The following HYLS1 variants were observed in gnomAD, a reference collection of about 807,000 sequenced individuals.
HYLS1 encodes centriolar and ciliogenesis-associated protein HYLS1.
In HYLS1, 25 loss-of-function variants were observed where a neutral mutation model predicts 29.4. The observed-to-expected ratio is 0.85, with a 90% CI of 0.62 to 1.19. The LOEUF (loss-of-function observed/expected upper bound fraction) is 1.19. Among genes scored for constraint, HYLS1 ranks in the 50% most tolerant of loss-of-function variants. The pLI, the probability that HYLS1 is intolerant of heterozygous loss-of-function variation, is 0.00. For synonymous variants in HYLS1, 128 were observed against 126.7 expected, an observed-to-expected ratio of 1.01 and a Z score of -0.07; for missense variants, 352 against 365.1, an observed-to-expected ratio of 0.96 and a Z score of 0.29.
In HYLS1 at chr11:125,887,742, A is replaced by C. The variant is rs1412651232; in HGVS notation, c.-99A>C. On this transcript the variant is annotated 5_prime_UTR_variant, in exon 1 of 3. Coordinates refer to ENST00000425380, the MANE Select transcript of HYLS1 (RefSeq NM_001134793.2). ...GCTGGCGACTGGCAGGACGCGGTGC[A>C]GAGAGCGGACTTCCGCGACGCGGGT... 2.6e-5 allele frequency: 4 copies of C among 152,288 alleles called. No homozygotes were observed. 9.4% of individuals were successfully genotyped at this position (152,288 alleles called of 1,614,324 possible). A position where few individuals can be genotyped will look rare whatever the true frequency, so the allele number is the denominator to read the frequency against.
intron 2 of HYLS1, chr11:125,895,801 G>C: frequency 6.3e-7 from 1 of 1,587,428 alleles, no homozygotes; most frequent in Non-Finnish European, 8.5e-7. Flanking sequence ...TGTGGAGTTA[G>C]ACAAAGATAC....
chr11:125,897,308 T>C (rs997184172), intron 2 of HYLS1, among the ~76,000 whole-genome samples: 1 of 152,136 alleles, frequency 6.6e-6, no homozygotes, highest in African/African-American at 2.4e-5. Flanking sequence ...ATGGAATGAC[T>C]TTTTTCTGAA....
At chr11:125,889,092 AAATAT>A (rs1408721294) in intron 1 of HYLS1, among the ~76,000 whole-genome samples, 7 of 152,338 alleles carry the variant, frequency 4.6e-5, no homozygotes, top group East Asian at 3.9e-4. Context: ...TGCATGTTAC[AAATAT>A]AATAAAGTAT....
At chr11:125,898,785 A>G (rs1246849380) in intron 2 of HYLS1, among the ~76,000 whole-genome samples, 1 of 152,022 alleles carries the variant, frequency 6.6e-6, no homozygotes, top group South Asian at 2.1e-4. Flanking sequence ...TTTAGATCAA[A>G]TCACTCTTTT....
At position 125,900,520 on chromosome 11, in the gene HYLS1, C is replaced by A. The variant is rs1340556403; in HGVS notation, c.*252C>A. ...AACAGACCTGGTCTTTCTATTTTGT[C>A]AAATTAGTAAGGGCCCTTTGTGTCC... On this transcript the variant is annotated 3_prime_UTR_variant, in exon 3 of 3. Transcript: ENST00000425380. 3.7e-5 allele frequency: 18 copies of A among 490,926 alleles called. No individual in the cohort carries two copies. The East Asian group carries it at 7.0e-4, about 19-fold the overall frequency. The allele number at this position is 490,926 out of a possible 1,614,324, so 30.4% of individuals were successfully genotyped here. A position where few individuals can be genotyped will look rare whatever the true frequency, so the allele number is the denominator to read the frequency against.
chr11:125,898,800 T>G (rs1264869626), intron 2 of HYLS1, among the ~76,000 whole-genome samples: 2 of 152,092 alleles, frequency 1.3e-5, no homozygotes, highest in East Asian at 3.9e-4. Context: ...TCTTTTATGG[T>G]TAAAAGCAGG....
At chr11:125,896,359 T>G in intron 2 of HYLS1, 1 of 1,355,874 alleles carries the variant, frequency 7.4e-7, no homozygotes, top group Non-Finnish European at 1.0e-6. Flanking sequence ...GATACAACAG[T>G]TTCAATGCTA....
chr11:125,892,593 A>G (rs1178308757), intron 2 of HYLS1, among the ~76,000 whole-genome samples: 2 of 152,182 alleles, frequency 1.3e-5, no homozygotes, highest in Non-Finnish European at 2.9e-5. Flanking sequence ...TTTGAACAGC[A>G]TATTTATTCA....
intron 2 of HYLS1, among the ~76,000 whole-genome samples, chr11:125,897,649 A>ATT (rs1944629176): frequency 6.6e-6 from 1 of 152,224 alleles, no homozygotes; most frequent in South Asian, 2.1e-4. Flanking sequence ...CTCAGCTGAG[A>ATT]TAAATGCAAA....
chr11:125,895,009 C>G (rs570363096), intron 2 of HYLS1, among the ~76,000 whole-genome samples: 1 of 151,566 alleles, frequency 6.6e-6, no homozygotes, highest in African/African-American at 2.4e-5. Flanking sequence ...TCAGTGACTT[C>G]GTTATTTAGA....
At chr11:125,894,224 T>C (rs1944505826) in intron 2 of HYLS1, 1 of 1,613,340 alleles carries the variant, frequency 6.2e-7, no homozygotes, top group Non-Finnish European at 8.5e-7. Context: ...CTCCTGGTCA[T>C]AGATCCACTT....
intron 2 of HYLS1, chr11:125,895,421 C>T (rs1455869913): frequency 1.2e-6 from 2 of 1,614,000 alleles, no homozygotes; most frequent in Admixed American, 3.3e-5. Flanking sequence ...GGCTCTGGCC[C>T]ACTAGCTGTA....
chr11:125,899,788 C>T lies in HYLS1; in HGVS notation c.420C>T (p.Phe140=). Residue 140 remains phenylalanine, a synonymous_variant, in exon 3 of 3, where the codon TTC becomes TTT. Coordinates refer to ENST00000425380, the MANE Select transcript of HYLS1 (RefSeq NM_001134793.2). ...DLRQRLMNVQ[F]QEDKESSFDV... ...GACAAAGGCTGATGAATGTACAGTT[C>T]CAGGAAGACAAGGAATCTTCATTTG... The T allele has an allele frequency of 1.2e-6, 2 of 1,614,134 alleles. No homozygotes were observed. The highest frequency in any genetic ancestry group is 1.7e-6 in the Non-Finnish European group (2 of 1,179,994).
intron 2 of HYLS1, chr11:125,894,118 A>G: frequency 1.2e-6 from 2 of 1,614,068 alleles, no homozygotes; most frequent in Non-Finnish European, 1.7e-6. Flanking sequence ...GTACTGGAAC[A>G]GTGTCCAGTC....
chr11:125,888,855 G>C (rs948095798), intron 1 of HYLS1, among the ~76,000 whole-genome samples: 4 of 151,740 alleles, frequency 2.6e-5, no homozygotes, highest in African/African-American at 4.8e-5. Flanking sequence ...CCAATTCCAG[G>C]AGTTTATTCC....
upstream of HYLS1, among the ~76,000 whole-genome samples, chr11:125,886,407 G>A (rs560250223): frequency 2.0e-5 from 3 of 152,262 alleles, no homozygotes; most frequent in South Asian, 6.2e-4. Flanking sequence ...AATGGTGTAA[G>A]ATGAACTTGA....
At chr11:125,891,952 T>G (rs1268983275) in intron 2 of HYLS1, among the ~76,000 whole-genome samples, 1 of 152,216 alleles carries the variant, frequency 6.6e-6, no homozygotes, top group Non-Finnish European at 1.5e-5. Context: ...TTAGTATTGT[T>G]TTTAATTGTC....
chr11:125,900,429 AGAT>A lies in HYLS1; in HGVS notation c.*165_*167del, dbSNP rs1437087121. The A allele has an allele frequency of 6.1e-6, 4 of 660,204 alleles. No homozygotes were observed. The highest frequency in any genetic ancestry group is 1.8e-5 in the African/African-American group (1 of 54,574). The allele number at this position is 660,204 out of a possible 1,614,324, so 40.9% of individuals were successfully genotyped here. A position where few individuals can be genotyped will look rare whatever the true frequency, so the allele number is the denominator to read the frequency against. On this transcript the variant is annotated 3_prime_UTR_variant, in exon 3 of 3. Transcript: ENST00000425380. Reference sequence around the variant, plus strand: ...CCTAGCTATATATCACATTGGTATCAGATGATACTTCCAAATTGCCACTCAAAT... The same window carrying A: ...CCTAGCTATATATCACATTGGTATCAGATACTTCCAAATTGCCACTCAAAT...
intron 2 of HYLS1, chr11:125,896,258 G>T (rs12274443): frequency 2.5e-6 from 4 of 1,611,690 alleles, no homozygotes; most frequent in Non-Finnish European, 3.4e-6. Flanking sequence ...TCTCAGTCTG[G>T]TTTCTGTCTG....
Sources: gnomAD v4.1 joint callset for allele counts (sites outside exome capture counted in the v4.1 genomes callset) on GRCh38, gnomAD v4.1.1 for gene constraint, MANE v1.5 for transcripts, NCBI Gene and HGNC (gene_info 2026-07-23, HGNC 2026-07-21) for gene names.